The following CAPN13 variants were observed in gnomAD, a reference collection of about 807,000 sequenced individuals.
CAPN13 encodes calpain-13.
Under a neutral mutation model 98.4 loss-of-function variants are expected in CAPN13, and 90 were observed. The observed-to-expected ratio is 0.92, with a 90% CI of 0.77 to 1.09. The LOEUF (loss-of-function observed/expected upper bound fraction) is 1.09. Ranked by LOEUF, CAPN13 falls within the 50% of genes least tolerant of loss-of-function variation. The pLI is 0.00. For synonymous variants in CAPN13, 330 were observed against 305.5 expected (o/e 1.08, Z -0.84); for missense variants, 887 against 841.3 (o/e 1.05, Z -0.67).
At chr2:30,748,029 T>C (rs2147982269) in intron 11 of CAPN13, among the ~76,000 whole-genome samples, 1 of 152,312 alleles carries the variant, frequency 6.6e-6, no homozygotes, top group Admixed American at 6.5e-5. Flanking sequence ...AGACTTTGGG[T>C]GAATCAACAC....
chr2:30,760,210 G>A (rs1672772134), intron 7 of CAPN13, among the ~76,000 whole-genome samples: 1 of 152,206 alleles, frequency 6.6e-6, no homozygotes, highest in African/African-American at 2.4e-5. Context: ...AGCCTCCCGA[G>A]TAGCTGGGAC....
At chr2:30,792,349 G>A (rs1276887963) in intron 1 of CAPN13, among the ~76,000 whole-genome samples, 3 of 151,934 alleles carry the variant, frequency 2.0e-5, no homozygotes, top group African/African-American at 2.4e-5. Context: ...AACATAAATC[G>A]CCAATATTAT....
Position 30,741,626 on chromosome 2 carries a change from T to C in CAPN13, c.1536+282A>G, listed in dbSNP as rs1671661091. On this transcript the variant is annotated intron_variant, in intron 15 of 22. Coordinates refer to ENST00000295055, the MANE Select transcript of CAPN13 (RefSeq NM_144575.3). ...GTACTGCCAATTGCTTGTTTAAAGA[T>C]TTAGAGGGCAATGCACCTCACACCC... The C allele has an allele frequency of 2.5e-6, 3 of 1,205,238 alleles. No individual in the cohort carries two copies. In the East Asian group the frequency reaches 1.2e-4, roughly 49 times the overall value. The allele number at this position is 1,205,238 out of a possible 1,614,324, so 74.7% of individuals were successfully genotyped here. A position where few individuals can be genotyped will look rare whatever the true frequency, so the allele number is the denominator to read the frequency against.
chr2:30,760,246 C>T (rs1479432013), intron 7 of CAPN13, among the ~76,000 whole-genome samples: 5 of 152,154 alleles, frequency 3.3e-5, no homozygotes, highest in Non-Finnish European at 4.4e-5. Flanking sequence ...GCCTAATGCC[C>T]GGCTAATCTT....
chr2:30,738,310 A>T lies in CAPN13; in HGVS notation c.1595-17T>A. 6.2e-7 allele frequency: 1 copy of T among 1,613,930 alleles called. No homozygotes were observed. The highest frequency in any genetic ancestry group is 8.5e-7 in the Non-Finnish European group (1 of 1,179,846). On this transcript the variant is annotated splice_polypyrimidine_tract_variant and intron_variant, in intron 16 of 22. Transcript: ENST00000295055. Reference sequence around the variant, plus strand: ...CTGGAGGTCCTGAGGAGAGAAGGACAGGAAGGACTGAAGTGTTGACAGTGG... The same window carrying T: ...CTGGAGGTCCTGAGGAGAGAAGGACTGGAAGGACTGAAGTGTTGACAGTGG...
chr2:30,736,129 C>A (rs530592737), intron 18 of CAPN13, among the ~76,000 whole-genome samples: 98 of 151,486 alleles, frequency 6.5e-4, no homozygotes, highest in African/African-American at 2.3e-3. Flanking sequence ...CACATTGAGG[C>A]CTCAGGCCAC....
At chr2:30,759,123 G>C (rs1449805014) in intron 7 of CAPN13, among the ~76,000 whole-genome samples, 1 of 76,418 alleles carries the variant, frequency 1.3e-5, no homozygotes. Context: ...TTCTTCCTCT[G>C]TCTCTTCCTT....
At chr2:30,798,404 C>T (rs566962046) in intron 1 of CAPN13, among the ~76,000 whole-genome samples, 6 of 152,284 alleles carry the variant, frequency 3.9e-5, no homozygotes, top group Non-Finnish European at 8.8e-5. Context: ...CTTCAACCTA[C>T]TGAGCTCTCT....
rs141318774 is a variant in CAPN13 at position 30,769,590 on chromosome 2, C to A, written c.524+723G>T. ...AGTCTGAGAGCATCTGTCCCAGTGC[C>A]AAGCACAGTGCCTGGCATATGGTTA... On this transcript the variant is annotated intron_variant, in intron 5 of 22. Coordinates refer to ENST00000295055, the MANE Select transcript of CAPN13 (RefSeq NM_144575.3). Among the ~76,000 whole-genome samples the A allele has an allele frequency of 8.1e-4, 123 of 152,296 alleles. 1 individual carries two copies. In the East Asian group the frequency reaches 0.023, roughly 29 times the overall value.
intron 15 of CAPN13, chr2:30,741,386 G>A: frequency 3.0e-6 from 3 of 987,368 alleles, no homozygotes; most frequent in Non-Finnish European, 3.6e-6. Context: ...AACGGTAAGA[G>A]GCTCATTGTG....
intron 4 of CAPN13, among the ~76,000 whole-genome samples, chr2:30,771,531 T>C (rs1377003653): frequency 1.3e-5 from 2 of 152,202 alleles, no homozygotes; most frequent in African/African-American, 2.4e-5. Flanking sequence ...AGCTGTGGAC[T>C]TGTGTTCCTA....
At chr2:30,777,407 T>C (rs1428448896) in intron 3 of CAPN13, among the ~76,000 whole-genome samples, 160 bp downstream of exon 3, 1 of 152,270 alleles carries the variant, frequency 6.6e-6, no homozygotes, top group East Asian at 1.9e-4. Flanking sequence ...CCTTTTCCCC[T>C]GCTCATTGCA....
intron 12 of CAPN13, among the ~76,000 whole-genome samples, chr2:30,744,971 T>C (rs751657666): frequency 1.5e-4 from 23 of 152,096 alleles, no homozygotes; most frequent in Non-Finnish European, 2.5e-4. Flanking sequence ...GGGACCAGAG[T>C]CAGATCCTGA....
In CAPN13 at chr2:30,770,514, A is replaced by G; in HGVS notation, c.388-65T>C. The stretch of plus-strand genomic sequence containing the variant: ...CAGAAGGGAGCTCCTGGGTCCCCCA[A>G]CCTAAGCCAAAAGTTGCAACATGAC... On this transcript the variant is annotated intron_variant, in intron 4 of 22. Transcript: ENST00000295055. The G allele has an allele frequency of 3.8e-6, 6 of 1,572,892 alleles. 1 individual carries two copies. Among genetic ancestry groups the G allele is most frequent in the South Asian group, 3.5e-5 (3 of 85,374 alleles).
chr2:30,800,116 A>AAAGAAAGAAAG (rs1444108248), intron 1 of CAPN13, among the ~76,000 whole-genome samples: 1 of 85,596 alleles, frequency 1.2e-5, no homozygotes, highest in Non-Finnish European at 2.3e-5. Flanking sequence ...GAAAAGAAAG[A>AAAGAAAGAAAG]AAAGAAAGAA....
At chr2:30,733,965 C>G (rs1002469853) in intron 19 of CAPN13, among the ~76,000 whole-genome samples, 12 of 152,048 alleles carry the variant, frequency 7.9e-5, no homozygotes, top group African/African-American at 2.9e-4. Flanking sequence ...ACTTATGCAC[C>G]CTAAGGAATT....
chr2:30,786,200 T>C (rs1310770789), intron 2 of CAPN13, among the ~76,000 whole-genome samples: 1 of 152,308 alleles, frequency 6.6e-6, no homozygotes, highest in East Asian at 1.9e-4. Context: ...TTATGGGAAG[T>C]GTTTAGACAG....
In CAPN13 at chr2:30,776,086, C is replaced by T. The variant is rs762476810; in HGVS notation, c.272-41G>A. 6 of 1,313,040 alleles carry T rather than the reference C, an allele frequency of 4.6e-6. No homozygotes were observed. In the South Asian group the frequency reaches 7.6e-5, roughly 17 times the overall value. The allele number at this position is 1,313,040 out of a possible 1,614,324, so 81.3% of individuals were successfully genotyped here. A position where few individuals can be genotyped will look rare whatever the true frequency, so the allele number is the denominator to read the frequency against. On this transcript the variant is annotated intron_variant, in intron 3 of 22. Transcript: ENST00000295055. ...AGCCAGGAAAGGCTGATTGGACACA[C>T]TTGGAAACCCTCCCCCATAATTTCA...
At chr2:30,742,380 G>A (rs1671707440) in intron 13 of CAPN13, 21 bp from the exon 14 acceptor site, 1 of 1,600,838 alleles carries the variant, frequency 6.2e-7, no homozygotes, top group Non-Finnish European at 8.5e-7. Context: ...AGAGGACAGT[G>A]TGACAAAGAT....
Sources: gnomAD v4.1 joint callset for allele counts (sites outside exome capture counted in the v4.1 genomes callset) on GRCh38, gnomAD v4.1.1 for gene constraint, MANE v1.5 for transcripts, NCBI Gene and HGNC (gene_info 2026-07-23, HGNC 2026-07-21) for gene names.